PCDHA5: variants seen among roughly 807,000 people sequenced by gnomAD.
PCDHA5 encodes protocadherin alpha-5.
A neutral mutation model predicts 61.6 loss-of-function variants in PCDHA5; 43 were observed. That is an observed-to-expected ratio of 0.70 (90% CI 0.55 to 0.90). The LOEUF (loss-of-function observed/expected upper bound fraction) is 0.90. PCDHA5 is among the 40% of genes least tolerant of loss of function. The pLI, the probability that PCDHA5 is intolerant of heterozygous loss-of-function variation, is 0.00. For synonymous variants in PCDHA5, 627 were observed against 543.9 expected (o/e 1.15, Z -2.13); for missense variants, 1,298 against 1,222.7 (o/e 1.06, Z -0.92).
At chr5:140,865,067 T>C (rs2048722686) in intron 1 of PCDHA5, 1 of 152,340 alleles carries the variant, frequency 6.6e-6, no homozygotes, top group South Asian at 2.1e-4. Context: ...ATAACTTAAG[T>C]ATAAGAACCA....
intron 2 of PCDHA5, among the ~76,000 whole-genome samples, chr5:140,981,011 T>C (rs1363062809): frequency 6.6e-6 from 1 of 152,132 alleles, no homozygotes; most frequent in African/African-American, 2.4e-5. Flanking sequence ...CCAGGAACAC[T>C]TGAAGGCTGT....
chr5:140,966,929 G>A (rs944732818), intron 1 of PCDHA5: 2 of 1,603,460 alleles, frequency 1.2e-6, no homozygotes, highest in African/African-American at 1.3e-5. Flanking sequence ...GCAGGCACCC[G>A]GCGCGCTCGT....
chr5:140,841,354 C>T (rs1777172316), intron 1 of PCDHA5: 2 of 1,612,948 alleles, frequency 1.2e-6, no homozygotes, highest in Non-Finnish European at 1.7e-6. Context: ...AGCTGGGATC[C>T]TGGCGACTAC....
intron 1 of PCDHA5, among the ~76,000 whole-genome samples, chr5:140,847,068 T>C (rs1780845671): frequency 6.7e-6 from 1 of 149,654 alleles, no homozygotes; most frequent in South Asian, 2.1e-4. Context: ...AGCATCAATA[T>C]GACAAGTAGA....
chr5:140,930,917 G>A (rs528997377), intron 1 of PCDHA5, among the ~76,000 whole-genome samples: 3 of 152,272 alleles, frequency 2.0e-5, no homozygotes, highest in African/African-American at 7.2e-5. Context: ...TACTTTAGAT[G>A]TGTATATGTG....
chr5:140,843,822 A>G (rs1455613336), intron 1 of PCDHA5: 2 of 1,214,208 alleles, frequency 1.6e-6, no homozygotes, highest in African/African-American at 1.5e-5. Flanking sequence ...GTGAAAATTT[A>G]AACATTGTTT....
Position 140,853,619 on chromosome 5 carries a change from G to C in PCDHA5, c.2352+29492G>C. 2.0e-6 allele frequency: 2 copies of C among 988,316 alleles called. 1 individual carries two copies. The allele number at this position is 988,316 out of a possible 1,614,324, so 61.2% of individuals were successfully genotyped here. A position where few individuals can be genotyped will look rare whatever the true frequency, so the allele number is the denominator to read the frequency against. ...AGAGCAAAGGGGGTGCTGTAAATAA[G>C]TATACAAGATCACAGACCTAAATTG... On this transcript the variant is annotated intron_variant, in intron 1 of 3. Transcript: ENST00000529859.
intron 1 of PCDHA5, chr5:140,877,539 C>G (rs1562735979): frequency 2.5e-6 from 4 of 1,613,788 alleles, no homozygotes; most frequent in South Asian, 1.1e-5. Flanking sequence ...CTGTGGATCC[C>G]GAAGCGGCTC....
intron 1 of PCDHA5, chr5:140,865,380 G>C (rs1429077853): frequency 6.6e-6 from 1 of 152,142 alleles, no homozygotes; most frequent in Non-Finnish European, 1.5e-5. Context: ...TTATAGGTAG[G>C]GTAAAGTTAA....
chr5:140,980,030 C>T (rs552658283), intron 2 of PCDHA5, among the ~76,000 whole-genome samples: 29 of 152,292 alleles, frequency 1.9e-4, no homozygotes, highest in Admixed American at 4.6e-4. Flanking sequence ...GAAATCATTA[C>T]ATTGGGTGCT....
intron 2 of PCDHA5, among the ~76,000 whole-genome samples, chr5:140,981,379 G>C (rs1387904235): frequency 6.6e-6 from 1 of 152,152 alleles, no homozygotes; most frequent in Non-Finnish European, 1.5e-5. Context: ...TTCAAGACCA[G>C]CCTGGTCAAT....
At chr5:140,914,016 G>A (rs1344982730) in intron 1 of PCDHA5, among the ~76,000 whole-genome samples, 2 of 152,140 alleles carry the variant, frequency 1.3e-5, no homozygotes, top group Non-Finnish European at 2.9e-5. Flanking sequence ...CTTTGAGAAT[G>A]ATCCACGTGC....
At position 140,936,025 on chromosome 5, in the gene PCDHA5, G is replaced by A. The variant is rs542573400; in HGVS notation, c.2353-42924G>A. On this transcript the variant is annotated intron_variant, in intron 1 of 3. Coordinates refer to ENST00000529859, the MANE Select transcript of PCDHA5 (RefSeq NM_018908.3). ...CTCCCACCTCAGCCTCCCGAGTAGC[G>A]GGGATTACAGGCACCCACCACCACA... 1.5e-3 allele frequency among the ~76,000 whole-genome samples: 222 copies of A among 151,390 alleles called. 1 individual carries two copies. The highest frequency in any genetic ancestry group is 6.8e-3 in the Middle Eastern group (2 of 294).
intron 1 of PCDHA5, among the ~76,000 whole-genome samples, chr5:140,872,029 A>C (rs782304127): frequency 7.9e-5 from 12 of 152,224 alleles, no homozygotes; most frequent in Admixed American, 2.6e-4. Context: ...GGAACTGCTA[A>C]GCTCAAAGAA....
At chr5:140,877,067 A>C in intron 1 of PCDHA5, 4 of 1,613,082 alleles carry the variant, frequency 2.5e-6, no homozygotes, top group Non-Finnish European at 3.4e-6. Context: ...GAGCTGCTGC[A>C]GTTCCAGGTG....
intron 3 of PCDHA5, among the ~76,000 whole-genome samples, chr5:140,984,769 C>T (rs145432187): frequency 1.3e-5 from 2 of 152,194 alleles, no homozygotes; most frequent in African/African-American, 2.4e-5. Context: ...TAATCCCAAG[C>T]TTACTTGCTG....
intron 1 of PCDHA5, among the ~76,000 whole-genome samples, chr5:140,826,017 A>G (rs1296923952): frequency 2.6e-5 from 4 of 152,190 alleles, no homozygotes; most frequent in Non-Finnish European, 4.4e-5. Flanking sequence ...TTTACATGAT[A>G]AAATGTGAAT....
chr5:140,898,905 C>T (rs1313193763), intron 1 of PCDHA5, among the ~76,000 whole-genome samples: 5 of 152,060 alleles, frequency 3.3e-5, no homozygotes, highest in South Asian at 2.1e-4. Context: ...AGGTCCTTCA[C>T]GTCCCTTGTA....
intron 1 of PCDHA5, among the ~76,000 whole-genome samples, chr5:140,837,516 C>CG (rs149634951): frequency 0.56 from 85,489 of 151,592 alleles, 24,966 homozygotes; most frequent in African/African-American, 0.67. Flanking sequence ...AAGCAGTTTA[C>CG]TTTTTTTGTA....
Sources: gnomAD v4.1 joint callset for allele counts (sites outside exome capture counted in the v4.1 genomes callset) on GRCh38, gnomAD v4.1.1 for gene constraint, MANE v1.5 for transcripts, NCBI Gene and HGNC (gene_info 2026-07-23, HGNC 2026-07-21) for gene names.